The following G6PC1 variants were observed in gnomAD, a reference collection of about 807,000 sequenced individuals.
G6PC1 encodes the protein G-6-Pase.
Under a neutral mutation model 30.4 loss-of-function variants are expected in G6PC1, and 23 were observed. The observed-to-expected ratio is 0.76, with a 90% CI of 0.55 to 1.07. The LOEUF (loss-of-function observed/expected upper bound fraction) is 1.07. Among genes scored for constraint, G6PC1 ranks in the 50% least tolerant of loss-of-function variants. The pLI, the probability that G6PC1 is intolerant of heterozygous loss-of-function variation, is 0.00. For missense variants in G6PC1, 391 were observed against 433.9 expected (o/e 0.90, Z 0.88); for synonymous variants, 163 against 175.6 (o/e 0.93, Z 0.57).
In G6PC1 at chr17:42,911,039, A is replaced by T; in HGVS notation, c.687A>T (p.Gly229=). 6 of 1,614,084 alleles carry T rather than the reference A, an allele frequency of 3.7e-6. No individual in the cohort carries two copies. The highest frequency in any genetic ancestry group is 5.1e-6 in the Non-Finnish European group (6 of 1,180,018). Residue 229 remains glycine, a synonymous_variant, in exon 5 of 5, where the codon GGA becomes GGT. Transcript: ENST00000253801. ...TCGGATTTTATCTGCTGCTCAAGGG[A>T]CTGGGTGTAGACCTCCTGTGGACTC... ...FAIGFYLLLK[G]LGVDLLWTLE... is the part of the protein sequence containing the mutation.
Position 42,909,428 on chromosome 17 carries a change from G to C in G6PC1, c.562+10G>C. ...GCTGGAGTCCTGTCAGGTATGGGCT[G>C]ATCTGACTCCCTTCCTTCTCCCCCA... is the stretch of plus-strand genomic sequence containing the variant. On this transcript the variant is annotated intron_variant, in intron 4 of 4. Transcript: ENST00000253801. 6.3e-7 allele frequency: 1 copy of C among 1,586,118 alleles called. No individual in the cohort carries two copies. Among genetic ancestry groups the C allele is most frequent in the Non-Finnish European group, 8.7e-7 (1 of 1,154,570 alleles).
chr17:42,905,429 A>AATATAT (rs1555559451), intron 2 of G6PC1, among the ~76,000 whole-genome samples: 7 of 120,864 alleles, frequency 5.8e-5, no homozygotes, highest in African/African-American at 2.7e-4. Context: ...AAAAAAAAAA[A>AATATAT]ATATATATAT....
At chr17:42,910,468 T>A (rs571553862) in intron 4 of G6PC1, among the ~76,000 whole-genome samples, 2 of 152,254 alleles carry the variant, frequency 1.3e-5, no homozygotes, top group African/African-American at 4.8e-5. Flanking sequence ...TGTTCAAATG[T>A]GTGACAGAGG....
intron 2 of G6PC1, among the ~76,000 whole-genome samples, chr17:42,905,185 G>T (rs1454879183): frequency 6.6e-6 from 1 of 151,834 alleles, no homozygotes; most frequent in Non-Finnish European, 1.5e-5. Context: ...AGCACTTTGG[G>T]AGGCTGAGGC....
chr17:42,909,266 C>T (rs1460795869), intron 3 of G6PC1, 37 bp from the exon 4 acceptor site: 1 of 1,437,398 alleles, frequency 7.0e-7, no homozygotes, highest in Non-Finnish European at 9.8e-7. Flanking sequence ...GAAGGATCTG[C>T]ACCTGTGTTC....
intron 2 of G6PC1, 81 bp downstream of exon 2, chr17:42,904,121 T>C (rs933078742): frequency 1.1e-5 from 10 of 900,630 alleles, no homozygotes; most frequent in Non-Finnish European, 1.7e-5. Flanking sequence ...TGAGGGGACA[T>C]GAGGAGAGCC....
At chr17:42,904,915 C>G (rs1383767245) in intron 2 of G6PC1, among the ~76,000 whole-genome samples, 1 of 152,114 alleles carries the variant, frequency 6.6e-6, no homozygotes, top group Non-Finnish European at 1.5e-5. Context: ...AGTTCAAAAC[C>G]AGCCTGGCCA....
At chr17:42,908,408 ATT>A (rs549810511) in intron 3 of G6PC1, among the ~76,000 whole-genome samples, 1,761 of 133,530 alleles carry the variant, frequency 0.013, 33 homozygotes, top group African/African-American at 0.044. Context: ...TGCCACAGGC[ATT>A]TTTTTTTTTT....
At chr17:42,902,717 G>A (rs763665102) in intron 1 of G6PC1, among the ~76,000 whole-genome samples, 2 of 152,086 alleles carry the variant, frequency 1.3e-5, no homozygotes, top group Non-Finnish European at 2.9e-5. Flanking sequence ...CCTGACTGGC[G>A]GTTGACACCT....
Position 42,909,405 on chromosome 17 carries a change from T to G in G6PC1, c.549T>G (p.Ala183=), listed in dbSNP as rs375921716. 1.2e-6 allele frequency: 2 copies of G among 1,613,522 alleles called. No individual in the cohort carries two copies. Among genetic ancestry groups the G allele is most frequent in the South Asian group, 2.2e-5 (2 of 91,082 alleles). Reference sequence around the variant, plus strand: ...CTCATTTTCCTCATCAAGTTGTTGCTGGAGTCCTGTCAGGTATGGGCTGAT... The same window carrying G: ...CTCATTTTCCTCATCAAGTTGTTGCGGGAGTCCTGTCAGGTATGGGCTGAT... ...LAAHFPHQVV[A]GVLSGIAVAE... is the part of the protein sequence containing the mutation. Residue 183 remains alanine, a synonymous_variant, in exon 4 of 5, where the codon GCT becomes GCG. Transcript: ENST00000253801.
intron 4 of G6PC1, among the ~76,000 whole-genome samples, chr17:42,909,969 T>C (rs911178101): frequency 2.0e-5 from 3 of 151,816 alleles, no homozygotes; most frequent in East Asian, 1.9e-4. Flanking sequence ...TTCACGCCAT[T>C]CTCCTGCCTC....
intron 2 of G6PC1, among the ~76,000 whole-genome samples, chr17:42,906,700 T>A (rs1567704726): frequency 6.6e-6 from 1 of 151,832 alleles, no homozygotes; most frequent in East Asian, 1.9e-4. Flanking sequence ...GCAAAAACAA[T>A]CAAACAAACA....
Position 42,909,350 on chromosome 17 carries a change from ATGTC to A in G6PC1, c.503_506del (p.Leu168HisfsTer64). ...TTGGGATTCTGGGCTGTGCAGCTGA[ATGTC>A]TGTCTGTCACGAATCTACCTTGCTG... is the stretch of plus-strand genomic sequence containing the variant. On this transcript the variant is annotated frameshift_variant, in exon 4 of 5. Transcript: ENST00000253801. LOFTEE classifies it high-confidence loss of function. 3 of 1,614,146 alleles carry A rather than the reference ATGTC, an allele frequency of 1.9e-6. No homozygotes were observed. The highest frequency in any genetic ancestry group is 2.5e-6 in the Non-Finnish European group (3 of 1,180,030).
chr17:42,911,597 T>C lies in G6PC1; in HGVS notation c.*171T>C, dbSNP rs1296624306. 1.1e-6 allele frequency: 1 copy of C among 919,714 alleles called. No homozygotes were observed. The highest frequency in any genetic ancestry group is 1.7e-6 in the Non-Finnish European group (1 of 598,042). 57.0% of individuals were successfully genotyped at this position (919,714 alleles called of 1,614,324 possible). A position where few individuals can be genotyped will look rare whatever the true frequency, so the allele number is the denominator to read the frequency against. Reference sequence around the variant, plus strand: ...TGGAGGGTCGCCTGGCTTATTCCCATGTGTGACTCCAGCCTGCCCTCAGCA... The same window carrying C: ...TGGAGGGTCGCCTGGCTTATTCCCACGTGTGACTCCAGCCTGCCCTCAGCA... On this transcript the variant is annotated 3_prime_UTR_variant, in exon 5 of 5. Coordinates refer to ENST00000253801, the MANE Select transcript of G6PC1 (RefSeq NM_000151.4).
At chr17:42,907,377 G>A (rs2151931073) in intron 2 of G6PC1, 146 bp from the exon 3 acceptor site, 2 of 677,534 alleles carry the variant, frequency 3.0e-6, no homozygotes, top group East Asian at 5.6e-5. Context: ...GATGGATGGG[G>A]GGTGAACGGA....
At chr17:42,908,420 T>C (rs1428450491) in intron 3 of G6PC1, among the ~76,000 whole-genome samples, 2 of 151,824 alleles carry the variant, frequency 1.3e-5, no homozygotes, top group African/African-American at 2.4e-5. Context: ...TTTTTTTTTT[T>C]TTTTGAGACG....
At chr17:42,906,232 G>A (rs1221429428) in intron 2 of G6PC1, among the ~76,000 whole-genome samples, 1 of 151,996 alleles carries the variant, frequency 6.6e-6, no homozygotes, top group South Asian at 2.1e-4. Context: ...ACGTGCAGGA[G>A]TTTAGATACT....
In G6PC1 at chr17:42,911,528, G is replaced by A. The variant is rs577036654; in HGVS notation, c.*102G>A. The A allele has an allele frequency of 3.2e-6, 5 of 1,547,682 alleles. No homozygotes were observed. In the Admixed American group the frequency reaches 5.0e-5, roughly 16 times the overall value. On this transcript the variant is annotated 3_prime_UTR_variant, in exon 5 of 5. Coordinates refer to ENST00000253801, the MANE Select transcript of G6PC1 (RefSeq NM_000151.4). ...CACTGGTATTTGGAGCAAGTGACAT[G>A]CCATCCATTCTGCCGTCGTGGAATT...
Position 42,911,437 on chromosome 17 carries a change from G to A in G6PC1, c.*11G>A, listed in dbSNP as rs775267643. On this transcript the variant is annotated 3_prime_UTR_variant, in exon 5 of 5. Coordinates refer to ENST00000253801, the MANE Select transcript of G6PC1 (RefSeq NM_000151.4). ...AAGAAGTCGTTGTAAGAGATGTGGA[G>A]TCTTCGGTGTTTAAAGTCAACAACC... 2 of 1,614,010 alleles carry A rather than the reference G, an allele frequency of 1.2e-6. No homozygotes were observed. The highest frequency in any genetic ancestry group is 2.2e-5 in the South Asian group (2 of 91,082).
Sources: allele counts gnomAD v4.1 joint callset (sites outside exome capture counted in the v4.1 genomes callset), GRCh38; gene constraint gnomAD v4.1.1; transcripts MANE v1.5; gene names NCBI Gene and HGNC (gene_info 2026-07-23, HGNC 2026-07-21).